The following MTARC1 variants were observed in gnomAD, a reference collection of about 807,000 sequenced individuals.
The protein encoded by MTARC1 is mitochondrial amidoxime-reducing component 1.
In MTARC1, 24 loss-of-function variants were observed where a neutral mutation model predicts 33.6. That is an observed-to-expected ratio of 0.72 (90% CI 0.52 to 1.01). MTARC1 has a LOEUF of 1.01. Ranked by LOEUF, MTARC1 falls within the 50% of genes least tolerant of loss-of-function variation. MTARC1 has a pLI of 0.00. For synonymous variants in MTARC1, 187 were observed against 189.5 expected (o/e 0.99, Z 0.11); for missense variants, 417 against 445.7 (o/e 0.94, Z 0.58).
At chr1:220,792,068 G>A (rs1367272954) in intron 2 of MTARC1, among the ~76,000 whole-genome samples, 1 of 152,138 alleles carries the variant, frequency 6.6e-6, no homozygotes, top group Non-Finnish European at 1.5e-5. Context: ...GAAAAACTGG[G>A]CACCTTCCAA....
In MTARC1 at chr1:220,787,097, G is replaced by T. The variant is rs367900610; in HGVS notation, c.153G>T (p.Leu51=). 74 of 1,513,010 alleles carry T rather than the reference G, an allele frequency of 4.9e-5. 1 individual carries two copies. In the Middle Eastern group the frequency reaches 1.5e-3, roughly 31 times the overall value. 93.7% of individuals were successfully genotyped at this position (1,513,010 alleles called of 1,614,324 possible). ...CATGGCCCACGCGGCGCCGGCGGCTGCTGCAGCAGGTGGGCACAGTGGCGC... is the reference window on the plus strand; with the variant it reads ...CATGGCCCACGCGGCGCCGGCGGCTTCTGCAGCAGGTGGGCACAGTGGCGC... ...RRAWPTRRRR[L]LQQVGTVAQL... The change falls in exon 1 of 7, where the codon CTG becomes CTT. Residue 51 remains leucine, a synonymous_variant. Transcript: ENST00000366910.
intron 6 of MTARC1, among the ~76,000 whole-genome samples, chr1:220,807,475 C>G (rs567739287): frequency 1.3e-5 from 2 of 152,164 alleles, no homozygotes; most frequent in South Asian, 4.2e-4. Context: ...TGCAGCTACT[C>G]GGGTGGCTGA....
chr1:220,802,069 A>G (rs1386064911), intron 4 of MTARC1, among the ~76,000 whole-genome samples: 2 of 152,108 alleles, frequency 1.3e-5, no homozygotes, highest in Non-Finnish European at 2.9e-5. Flanking sequence ...CTTTAGCTGT[A>G]CTGCCCTTGC....
intron 6 of MTARC1, among the ~76,000 whole-genome samples, chr1:220,809,951 C>T (rs780649166): frequency 2.2e-4 from 33 of 152,180 alleles, no homozygotes; most frequent in Admixed American, 1.0e-3. Context: ...CCAGTGAATG[C>T]GTAAACCAGG....
At chr1:220,811,019 A>T (rs1300405762) in intron 6 of MTARC1, among the ~76,000 whole-genome samples, 2 of 152,252 alleles carry the variant, frequency 1.3e-5, no homozygotes, top group Non-Finnish European at 2.9e-5. Flanking sequence ...TCCATGTGTG[A>T]TGCGCAGAAC....
At chr1:220,791,811 A>C in intron 2 of MTARC1, 147 bp downstream of exon 2, 3 of 829,118 alleles carry the variant, frequency 3.6e-6, no homozygotes, top group Non-Finnish European at 5.3e-6. Flanking sequence ...AGTCCTCAAC[A>C]TTATGAAGAT....
chr1:220,787,571 T>A (rs1672274142), intron 1 of MTARC1, among the ~76,000 whole-genome samples: 1 of 152,136 alleles, frequency 6.6e-6, no homozygotes, highest in Non-Finnish European at 1.5e-5. Flanking sequence ...GGCGGCTAGC[T>A]TGAAGAGGTT....
chr1:220,794,791 C>T, intron 2 of MTARC1, among the ~76,000 whole-genome samples: 2 of 152,108 alleles, frequency 1.3e-5, no homozygotes, highest in East Asian at 3.8e-4. Flanking sequence ...GTGCATATTT[C>T]AGCCCTCTGA....
rs1036631507 is a variant in MTARC1 at position 220,813,717 on chromosome 1, G to A, written c.*299G>A. ...GAATAGTTCTTTCTCCTGCTTCTCCGTTTATCTACCAAGAGCGCAGACTTG... is the reference window on the plus strand; with the variant it reads ...GAATAGTTCTTTCTCCTGCTTCTCCATTTATCTACCAAGAGCGCAGACTTG... On this transcript the variant is annotated 3_prime_UTR_variant, in exon 7 of 7. Coordinates refer to ENST00000366910, the MANE Select transcript of MTARC1 (RefSeq NM_022746.4). 8 of 307,062 alleles carry A rather than the reference G, an allele frequency of 2.6e-5. No homozygotes were observed. In the East Asian group the frequency reaches 2.8e-4, roughly 11 times the overall value. 19.0% of individuals were successfully genotyped at this position (307,062 alleles called of 1,614,324 possible). A position where few individuals can be genotyped will look rare whatever the true frequency, so the allele number is the denominator to read the frequency against.
chr1:220,807,800 C>T (rs1224805182), intron 6 of MTARC1, among the ~76,000 whole-genome samples: 2 of 152,046 alleles, frequency 1.3e-5, no homozygotes. Context: ...TGCGCTCACT[C>T]ACCATCAGAA....
chr1:220,788,444 T>TA (rs1672311051), intron 1 of MTARC1, among the ~76,000 whole-genome samples: 1 of 152,104 alleles, frequency 6.6e-6, no homozygotes, highest in Admixed American at 6.6e-5. Context: ...AGTTGAAAGG[T>TA]GAGTGACGTA....
intron 2 of MTARC1, among the ~76,000 whole-genome samples, chr1:220,795,961 T>C (rs760252463): frequency 6.6e-6 from 1 of 152,180 alleles, no homozygotes; most frequent in Non-Finnish European, 1.5e-5. Context: ...TGTGAAACAC[T>C]GGCCTACACC....
chr1:220,806,446 T>A (rs1672975771), intron 6 of MTARC1, among the ~76,000 whole-genome samples: 1 of 152,210 alleles, frequency 6.6e-6, no homozygotes, highest in Admixed American at 6.5e-5. Context: ...CTATCTTGTA[T>A]CCAAACCATC....
In MTARC1 at chr1:220,816,578, G is replaced by A. The variant is rs1673285512; in HGVS notation, c.*3160G>A. 6.6e-6 allele frequency: 1 copy of A among 152,238 alleles called. No individual in the cohort carries two copies. Among genetic ancestry groups the A allele is most frequent in the African/African-American group, 2.4e-5 (1 of 41,456 alleles). The allele number at this position is 152,238 out of a possible 1,614,324, so 9.4% of individuals were successfully genotyped here. A position where few individuals can be genotyped will look rare whatever the true frequency, so the allele number is the denominator to read the frequency against. On this transcript the variant is annotated 3_prime_UTR_variant, in exon 7 of 7. Coordinates refer to ENST00000366910, the MANE Select transcript of MTARC1 (RefSeq NM_022746.4). The stretch of plus-strand genomic sequence containing the variant: ...GAGAGGCCTTCATGAAGACATCTGT[G>A]TTTAATGCTGCCCTTCCCAAAGGTC...
chr1:220,816,247 CA>C lies in MTARC1; in HGVS notation c.*2830del, dbSNP rs1673277691. On this transcript the variant is annotated 3_prime_UTR_variant, in exon 7 of 7. Coordinates refer to ENST00000366910, the MANE Select transcript of MTARC1 (RefSeq NM_022746.4). ...ATGAGGCTGTCACCAACAGTGATGG[CA>C]GGCTGAAATTCCAGGCAAGTGCTCC... 6.6e-6 allele frequency: 1 copy of C among 152,198 alleles called. No homozygotes were observed. Among genetic ancestry groups the C allele is most frequent in the Admixed American group, 6.5e-5 (1 of 15,278 alleles). The allele number at this position is 152,198 out of a possible 1,614,324, so 9.4% of individuals were successfully genotyped here.
At position 220,796,586 on chromosome 1, in the gene MTARC1, T is replaced by G. The variant is rs981095331; in HGVS notation, c.450-57T>G. The stretch of plus-strand genomic sequence containing the variant: ...GCTTTTCTGATATAGCTGGCACATA[T>G]TAGGGTGCATGGATTTTCAAAGCCA... On this transcript the variant is annotated intron_variant, in intron 2 of 6. Coordinates refer to ENST00000366910, the MANE Select transcript of MTARC1 (RefSeq NM_022746.4). 2.7e-6 allele frequency: 4 copies of G among 1,505,890 alleles called. No homozygotes were observed. The African/African-American group carries it at 5.8e-5, about 22-fold the overall frequency. 93.3% of individuals were successfully genotyped at this position (1,505,890 alleles called of 1,614,324 possible).
At chr1:220,809,000 G>T (rs1257274542) in intron 6 of MTARC1, 7 of 452,100 alleles carry the variant, frequency 1.5e-5, no homozygotes, top group Admixed American at 7.7e-5. Flanking sequence ...CGTTTTGCTG[G>T]ATGCACGAAT....
At chr1:220,798,848 A>G (rs1672700155) in intron 4 of MTARC1, 18 of 985,320 alleles carry the variant, frequency 1.8e-5, no homozygotes, top group Non-Finnish European at 1.9e-5. Context: ...ATGGAATCAA[A>G]GCAATTGAGT....
chr1:220,813,243 C>G, intron 6 of MTARC1, 49 bp from the exon 7 acceptor site: 1 of 1,612,878 alleles, frequency 6.2e-7, no homozygotes, highest in South Asian at 1.1e-5. Context: ...GCTGGTTGAG[C>G]TCTTGCATCC....
Sources: allele counts gnomAD v4.1 joint callset (sites outside exome capture counted in the v4.1 genomes callset), GRCh38; gene constraint gnomAD v4.1.1; transcripts MANE v1.5; gene names NCBI Gene and HGNC (gene_info 2026-07-23, HGNC 2026-07-21).